Variants in RARB observed in about 807,000 individuals in gnomAD.
RARB encodes the protein retinoic acid receptor beta, also known as HBV-activated protein.
RARB carries 17 observed loss-of-function variants against 51.9 expected under a neutral mutation model. The observed-to-expected ratio is 0.33, with a 90% CI of 0.22 to 0.49. RARB has a LOEUF of 0.49. Ranked by LOEUF, RARB falls within the 20% of genes least tolerant of loss-of-function variation. RARB has a pLI of 0.99. For synonymous variants in RARB, 215 were observed against 195.4 expected (o/e 1.10, Z -0.84); for missense variants, 369 against 550.8 (o/e 0.67, Z 3.30).
At chr3:24,982,430 C>T (rs1447981848) in intron 2 of RARB, among the ~76,000 whole-genome samples, 1 of 152,196 alleles carries the variant, frequency 6.6e-6, no homozygotes, top group African/African-American at 2.4e-5. Flanking sequence ...AACTTTCAGA[C>T]TGTCCTTTTG....
chr3:25,246,187 C>T (rs939495069), intron 5 of RARB, among the ~76,000 whole-genome samples: 4 of 152,032 alleles, frequency 2.6e-5, no homozygotes, highest in Non-Finnish European at 4.4e-5. Context: ...GTATGTTCTT[C>T]TCTAAACTAG....
At chr3:24,849,117 TC>T (rs890673463) in intron 1 of RARB, among the ~76,000 whole-genome samples, 2 of 152,228 alleles carry the variant, frequency 1.3e-5, no homozygotes, top group African/African-American at 4.8e-5. Context: ...TTATGTTTTT[TC>T]CTATACATAC....
At chr3:25,070,613 A>G (rs1315128694) in intron 3 of RARB, among the ~76,000 whole-genome samples, 1 of 152,240 alleles carries the variant, frequency 6.6e-6, no homozygotes, top group Admixed American at 6.5e-5. Flanking sequence ...GTGATTAGTA[A>G]TAATAGTAGC....
intron 5 of RARB, among the ~76,000 whole-genome samples, chr3:25,414,087 G>A (rs536333853): frequency 6.6e-6 from 1 of 151,766 alleles, no homozygotes; most frequent in Non-Finnish European, 1.5e-5. Context: ...CCTAAGCCCT[G>A]TCTCTAGGCA....
At chr3:25,214,029 G>A (rs993217791) in intron 5 of RARB, among the ~76,000 whole-genome samples, 1 of 152,180 alleles carries the variant, frequency 6.6e-6, no homozygotes, top group Non-Finnish European at 1.5e-5. Flanking sequence ...CCAAAGCCAT[G>A]CATACAGAGC....
intron 5 of RARB, among the ~76,000 whole-genome samples, chr3:25,260,968 T>C (rs1470540353): frequency 6.6e-6 from 1 of 152,154 alleles, no homozygotes; most frequent in African/African-American, 2.4e-5. Context: ...TAATACTCAC[T>C]GAGTAATTTT....
At chr3:24,988,875 GA>G (rs1246381584) in intron 2 of RARB, among the ~76,000 whole-genome samples, 1 of 151,956 alleles carries the variant, frequency 6.6e-6, no homozygotes, top group African/African-American at 2.4e-5. Context: ...AGCCAGGCTG[GA>G]GTGCAGTGGC....
At chr3:25,360,096 T>C (rs1321262379) in intron 5 of RARB, among the ~76,000 whole-genome samples, 6 of 152,150 alleles carry the variant, frequency 3.9e-5, no homozygotes, top group Admixed American at 3.3e-4. Context: ...CCCAATATTA[T>C]TGTGTGGGAG....
chr3:25,388,135 A>G (rs1559381302), intron 5 of RARB, among the ~76,000 whole-genome samples: 1 of 152,134 alleles, frequency 6.6e-6, no homozygotes, highest in South Asian at 2.1e-4. Context: ...AACTCAGACT[A>G]TTTTCCAAAG....
chr3:25,056,219 C>T (rs1473471748), intron 2 of RARB, among the ~76,000 whole-genome samples: 3 of 152,022 alleles, frequency 2.0e-5, no homozygotes, highest in African/African-American at 7.2e-5. Flanking sequence ...AGCAGGGTAG[C>T]CATCTCAGCT....
At chr3:25,304,170 G>C (rs1704104532) in intron 5 of RARB, among the ~76,000 whole-genome samples, 2 of 152,136 alleles carry the variant, frequency 1.3e-5, no homozygotes, top group African/African-American at 4.8e-5. Flanking sequence ...AAACAGAACT[G>C]TCTGGCAGAT....
chr3:25,002,797 C>T (rs1482914267), intron 2 of RARB, among the ~76,000 whole-genome samples: 1 of 151,644 alleles, frequency 6.6e-6, no homozygotes, highest in South Asian at 2.1e-4. Flanking sequence ...AATATCTTAA[C>T]CTTTTAATTG....
intron 5 of RARB, among the ~76,000 whole-genome samples, chr3:25,404,181 T>C (rs1707342798): frequency 6.6e-6 from 1 of 152,206 alleles, no homozygotes; most frequent in Non-Finnish European, 1.5e-5. Flanking sequence ...TTACACTTTT[T>C]TCAGTGCTCT....
At position 25,410,449 on chromosome 3, in the gene RARB, C is replaced by A. The variant is rs372281253; in HGVS notation, c.179-50744C>A. Reference sequence around the variant, plus strand: ...TAGAATCACAACTGATACCAGCTAACTTTATGAAGAATTATTTCATTCTTG... The same window carrying A: ...TAGAATCACAACTGATACCAGCTAAATTTATGAAGAATTATTTCATTCTTG... On this transcript the variant is annotated intron_variant, in intron 5 of 11. Coordinates refer to the RARB transcript ENST00000383772. Among the ~76,000 whole-genome samples, 4 of 152,342 alleles carry A rather than the reference C, an allele frequency of 2.6e-5. No individual in the cohort carries two copies. In the South Asian group the frequency reaches 6.2e-4, roughly 24 times the overall value.
At chr3:25,191,159 T>C (rs1701094614) in intron 5 of RARB, among the ~76,000 whole-genome samples, 1 of 152,086 alleles carries the variant, frequency 6.6e-6, no homozygotes, top group African/African-American at 2.4e-5. Flanking sequence ...ATGAAAAAAA[T>C]AGGGGAAAGT....
chr3:24,905,870 T>C (rs77388838), intron 2 of RARB, among the ~76,000 whole-genome samples: 1 of 152,232 alleles, frequency 6.6e-6, no homozygotes, highest in African/African-American at 2.4e-5. Context: ...TATGCAATCT[T>C]GACTATTTTA....
chr3:24,834,767 G>C (rs1702320791), intron 1 of RARB, among the ~76,000 whole-genome samples: 1 of 152,118 alleles, frequency 6.6e-6, no homozygotes, highest in Non-Finnish European at 1.5e-5. Context: ...AAGAGTAACA[G>C]GACTGCAAGA....
intron 5 of RARB, among the ~76,000 whole-genome samples, chr3:25,200,339 T>C (rs1046140480): frequency 8.6e-5 from 13 of 151,952 alleles, no homozygotes; most frequent in African/African-American, 3.1e-4. Context: ...ATTCTGGATA[T>C]TAGCCCTTTG....
At chr3:25,019,703 C>G (rs62228501) in intron 2 of RARB, among the ~76,000 whole-genome samples, 11,128 of 152,124 alleles carry the variant, frequency 0.073, 506 homozygotes, top group Non-Finnish European at 0.1. Flanking sequence ...TGCTGCAGGG[C>G]GAGGGTGGAG....
Sources: gnomAD v4.1 joint callset for allele counts (sites outside exome capture counted in the v4.1 genomes callset) on GRCh38, gnomAD v4.1.1 for gene constraint, MANE v1.5 for transcripts, NCBI Gene and HGNC (gene_info 2026-07-23, HGNC 2026-07-21) for gene names.